The following CTNNA3 variants were observed in gnomAD, a reference collection of about 807,000 sequenced individuals.
CTNNA3 encodes the protein catenin alpha-3.
In CTNNA3, 76 loss-of-function variants were observed where a neutral mutation model predicts 95.7. The ratio of observed to expected loss-of-function variants is 0.79; its 90% confidence interval spans 0.66 to 0.96. The LOEUF (loss-of-function observed/expected upper bound fraction) is 0.96, where lower values mean the gene tolerates loss of function less well. CTNNA3 is among the 40% of genes least tolerant of loss of function. The pLI is 0.00. For synonymous variants in CTNNA3, 431 were observed against 374.4 expected (o/e 1.15, Z -1.74); for missense variants, 1,191 against 1,089.8 (o/e 1.09, Z -1.31).
intron 5 of CTNNA3, among the ~76,000 whole-genome samples, chr10:67,344,394 T>C (rs1259679965): frequency 6.6e-6 from 1 of 152,062 alleles, no homozygotes; most frequent in Non-Finnish European, 1.5e-5. Flanking sequence ...CCTCCTCCTC[T>C]ATTTTTTGGA....
chr10:66,946,796 C>T (rs1848295710), intron 7 of CTNNA3, among the ~76,000 whole-genome samples: 1 of 151,996 alleles, frequency 6.6e-6, no homozygotes, highest in Admixed American at 6.6e-5. Flanking sequence ...GAATTAATCC[C>T]CCTCTTATTC....
chr10:66,836,139 A>T (rs772835788), intron 7 of CTNNA3, among the ~76,000 whole-genome samples: 1 of 152,210 alleles, frequency 6.6e-6, no homozygotes, highest in Admixed American at 6.5e-5. Flanking sequence ...ACCATGATCT[A>T]TATTAAGCTA....
At chr10:67,626,740 T>C (rs1838969758) in intron 2 of CTNNA3, among the ~76,000 whole-genome samples, 1 of 152,066 alleles carries the variant, frequency 6.6e-6, no homozygotes, top group Non-Finnish European at 1.5e-5. Context: ...ATTTGACTTT[T>C]GTATACATAC....
intron 5 of CTNNA3, among the ~76,000 whole-genome samples, chr10:67,411,393 T>A (rs1845362518): frequency 1.3e-5 from 2 of 152,050 alleles, no homozygotes; most frequent in Non-Finnish European, 2.9e-5. Context: ...CAAAACTGAG[T>A]GGTTCAAGGG....
chr10:66,430,362 A>G (rs1035651455), intron 11 of CTNNA3, among the ~76,000 whole-genome samples: 1 of 152,144 alleles, frequency 6.6e-6, no homozygotes, highest in Non-Finnish European at 1.5e-5. Context: ...CCATCCCCTC[A>G]AGCTACCAAT....
At chr10:67,017,726 T>A (rs1852742337) in intron 7 of CTNNA3, among the ~76,000 whole-genome samples, 1 of 71,148 alleles carries the variant, frequency 1.4e-5, no homozygotes, top group South Asian at 6.0e-4. Flanking sequence ...AAAAATCATC[T>A]GTGTGTGTGT....
At chr10:67,719,285 G>C (rs1166792769) in intron 1 of CTNNA3, among the ~76,000 whole-genome samples, 2 of 149,378 alleles carry the variant, frequency 1.3e-5, no homozygotes, top group Non-Finnish European at 1.5e-5. Context: ...AGGGTTTTTT[G>C]TGTCTCTATC....
chr10:67,199,953 C>T (rs992336626), intron 6 of CTNNA3, among the ~76,000 whole-genome samples: 12 of 152,136 alleles, frequency 7.9e-5, no homozygotes, highest in Non-Finnish European at 1.8e-4. Context: ...TTATAAAACA[C>T]TAGTTAACTA....
chr10:66,582,055 T>C (rs1843206954), intron 10 of CTNNA3, among the ~76,000 whole-genome samples: 1 of 151,942 alleles, frequency 6.6e-6, no homozygotes, highest in Admixed American at 6.6e-5. Flanking sequence ...AGCCTTGTAG[T>C]AAAATTTCAA....
At chr10:67,585,748 C>T (rs1842603365) in intron 3 of CTNNA3, among the ~76,000 whole-genome samples, 1 of 151,932 alleles carries the variant, frequency 6.6e-6, no homozygotes, top group African/African-American at 2.4e-5. Flanking sequence ...AGCAGTTTAT[C>T]AATTTTGTTT....
At chr10:67,042,651 C>A (rs1854476565) in intron 7 of CTNNA3, among the ~76,000 whole-genome samples, 1 of 151,294 alleles carries the variant, frequency 6.6e-6, no homozygotes, top group Non-Finnish European at 1.5e-5. Context: ...GAGGAAAAGT[C>A]AAGTAGGGTG....
chr10:67,092,039 A>G (rs1857674843), intron 7 of CTNNA3, among the ~76,000 whole-genome samples: 2 of 151,864 alleles, frequency 1.3e-5, no homozygotes, highest in African/African-American at 4.8e-5. Context: ...GTAAGAAAAT[A>G]CGCCTCTGAA....
At chr10:67,657,285 A>C (rs1383657756) in intron 1 of CTNNA3, among the ~76,000 whole-genome samples, 1 of 152,198 alleles carries the variant, frequency 6.6e-6, no homozygotes, top group Non-Finnish European at 1.5e-5. Context: ...GCATATTAAC[A>C]TCAAAGTGAA....
At chr10:67,284,658 T>G (rs1839524329) in intron 5 of CTNNA3, among the ~76,000 whole-genome samples, 1 of 152,196 alleles carries the variant, frequency 6.6e-6, no homozygotes, top group African/African-American at 2.4e-5. Flanking sequence ...CTAAGCCAAT[T>G]GATGGCTATA....
At chr10:67,387,698 C>G (rs1051704946) in intron 5 of CTNNA3, among the ~76,000 whole-genome samples, 2 of 152,184 alleles carry the variant, frequency 1.3e-5, no homozygotes, top group African/African-American at 4.8e-5. Context: ...TCTCCCAGCA[C>G]GCAGCTGGAG....
At chr10:67,134,751 G>A (rs962894004) in intron 7 of CTNNA3, among the ~76,000 whole-genome samples, 1 of 152,122 alleles carries the variant, frequency 6.6e-6, no homozygotes, top group East Asian at 1.9e-4. Context: ...TTAAACTAAG[G>A]CTGAGTCATC....
At chr10:66,288,384 A>C (rs1284114045) in intron 12 of CTNNA3, among the ~76,000 whole-genome samples, 1 of 152,044 alleles carries the variant, frequency 6.6e-6, no homozygotes, top group East Asian at 1.9e-4. Context: ...TCAATCAACA[A>C]GGGTAGGGAG....
rs572947202 is a variant in CTNNA3 at position 66,061,688 on chromosome 10, C to T, written c.2159+7620G>A. 9.9e-5 allele frequency among the ~76,000 whole-genome samples: 15 copies of T among 152,014 alleles called. 1 individual carries two copies. Among genetic ancestry groups the T allele is most frequent in the African/African-American group, 1.9e-4 (8 of 41,488 alleles). On this transcript the variant is annotated intron_variant, in intron 15 of 17. Transcript: ENST00000433211. The stretch of plus-strand genomic sequence containing the variant: ...TTTTTTCTTAGAGCCCCTAAATGGA[C>T]GTGACTCATTCCTACCTGCTGGCCT...
At chr10:66,122,572 T>A (rs1360621410) in intron 13 of CTNNA3, among the ~76,000 whole-genome samples, 1 of 152,144 alleles carries the variant, frequency 6.6e-6, no homozygotes, top group African/African-American at 2.4e-5. Flanking sequence ...AAAGACATCT[T>A]GAAGAAGTCA....
Sources: gnomAD v4.1 joint callset for allele counts (sites outside exome capture counted in the v4.1 genomes callset) on GRCh38, gnomAD v4.1.1 for gene constraint, MANE v1.5 for transcripts, NCBI Gene and HGNC (gene_info 2026-07-23, HGNC 2026-07-21) for gene names.